Variants in XIRP2 observed in about 807,000 individuals in gnomAD.
XIRP2 encodes the protein xin actin-binding repeat-containing protein 2.
Under a neutral mutation model 277.0 loss-of-function variants are expected in XIRP2, and 236 were observed. That is an observed-to-expected ratio of 0.85 (90% confidence interval 0.77 to 0.95). The LOEUF is 0.95. Ranked by LOEUF, XIRP2 falls within the 40% of genes least tolerant of loss-of-function variation. The probability of loss-of-function intolerance (pLI) is 0.00; values close to 1 mark genes in which losing one functional copy is unlikely to be tolerated. For missense variants in XIRP2, 4,640 were observed against 4,157.5 expected (o/e 1.12, Z -3.19); for synonymous variants, 1,490 against 1,416.5 (o/e 1.05, Z -1.17).
intron 2 of XIRP2, among the ~76,000 whole-genome samples, chr2:166,937,476 G>A (rs1213514547): frequency 6.6e-6 from 1 of 152,210 alleles, no homozygotes; most frequent in Non-Finnish European, 1.5e-5. Flanking sequence ...GGTTTTTGAT[G>A]TGCTGCTGGA....
intron 2 of XIRP2, among the ~76,000 whole-genome samples, chr2:166,929,062 C>T (rs899297683): frequency 2.0e-5 from 3 of 151,856 alleles, no homozygotes; most frequent in African/African-American, 7.3e-5. Context: ...AGACTGATCC[C>T]CAACCAGCAG....
intron 2 of XIRP2, among the ~76,000 whole-genome samples, chr2:167,076,866 C>G (rs116113181): frequency 6.6e-6 from 1 of 152,034 alleles, no homozygotes; most frequent in African/African-American, 2.4e-5. Context: ...GGGTCTCACT[C>G]GGTCTCTTAG....
chr2:166,939,327 A>G (rs1685622221), intron 2 of XIRP2, among the ~76,000 whole-genome samples: 1 of 151,976 alleles, frequency 6.6e-6, no homozygotes, highest in African/African-American at 2.4e-5. Flanking sequence ...TCTGTAAAGT[A>G]TTTTATTTCT....
At chr2:167,105,551 T>A (rs1432628534) in intron 2 of XIRP2, among the ~76,000 whole-genome samples, 1 of 151,934 alleles carries the variant, frequency 6.6e-6, no homozygotes, top group African/African-American at 2.4e-5. Context: ...AACTATTCAC[T>A]CCTTGAAGAG....
intron 5 of XIRP2, among the ~76,000 whole-genome samples, chr2:167,227,596 A>G (rs550764990): frequency 1.7e-3 from 252 of 152,156 alleles, no homozygotes; most frequent in Non-Finnish European, 2.8e-3. Flanking sequence ...AGTCCCAGCT[A>G]CTCAGGAGGC....
At chr2:167,029,642 A>G (rs1192446609) in intron 2 of XIRP2, among the ~76,000 whole-genome samples, 1 of 152,162 alleles carries the variant, frequency 6.6e-6, no homozygotes, top group Non-Finnish European at 1.5e-5. Flanking sequence ...ATCGACGTTC[A>G]TCAGGTATAT....
intron 2 of XIRP2, among the ~76,000 whole-genome samples, chr2:167,092,022 G>T (rs1017916827): frequency 6.6e-6 from 1 of 152,134 alleles, no homozygotes; most frequent in African/African-American, 2.4e-5. Context: ...AGATCCAGGT[G>T]AAGAAGGGAA....
chr2:167,051,805 C>A (rs1167587173), intron 2 of XIRP2, among the ~76,000 whole-genome samples: 1 of 151,958 alleles, frequency 6.6e-6, no homozygotes, highest in Non-Finnish European at 1.5e-5. Context: ...TTAGTGATAA[C>A]CCTCCGAATG....
chr2:167,028,730 G>A (rs546161709), intron 2 of XIRP2, among the ~76,000 whole-genome samples: 7 of 151,808 alleles, frequency 4.6e-5, no homozygotes, highest in Non-Finnish European at 1.0e-4. Flanking sequence ...TAAGGCACCA[G>A]TGACGAAATC....
At chr2:167,046,105 T>C (rs1688781682) in intron 2 of XIRP2, among the ~76,000 whole-genome samples, 1 of 152,096 alleles carries the variant, frequency 6.6e-6, no homozygotes, top group South Asian at 2.1e-4. Flanking sequence ...CTAGGTATTT[T>C]ATTCTTTTGG....
At chr2:166,931,611 T>C (rs183786787) in intron 2 of XIRP2, among the ~76,000 whole-genome samples, 3,585 of 152,300 alleles carry the variant, frequency 0.024, 52 homozygotes, top group Non-Finnish European at 0.034. Context: ...TGTATGCTTT[T>C]ATTGCTGAGT....
At position 167,023,899 on chromosome 2, in the gene XIRP2, G is replaced by A. The variant is rs557311175; in HGVS notation, c.409-112010G>A. Among the ~76,000 whole-genome samples the A allele has an allele frequency of 3.4e-3, 521 of 152,072 alleles. 7 individuals are homozygous for A. The highest frequency in any genetic ancestry group is 0.012 in the African/African-American group (482 of 41,486). On this transcript the variant is annotated intron_variant, in intron 2 of 10. Transcript: ENST00000409195. ...TGAAGTCAGGTAGCGTGATGCCTCT[G>A]GCTGTGTTCTTTTGGCTTAGGATTG...
chr2:166,963,522 T>G (rs1449472008), intron 2 of XIRP2, among the ~76,000 whole-genome samples: 2 of 151,882 alleles, frequency 1.3e-5, no homozygotes, highest in Non-Finnish European at 2.9e-5. Flanking sequence ...GAGAGACTCT[T>G]TCGTAAGGAA....
chr2:167,208,608 G>T (rs1693928097), intron 3 of XIRP2, among the ~76,000 whole-genome samples: 1 of 152,084 alleles, frequency 6.6e-6, no homozygotes, highest in Non-Finnish European at 1.5e-5. Flanking sequence ...GCGCCCGGCT[G>T]AGAGTCTTTT....
intron 2 of XIRP2, among the ~76,000 whole-genome samples, chr2:167,083,544 A>C (rs1272099349): frequency 6.6e-6 from 1 of 152,128 alleles, no homozygotes; most frequent in Admixed American, 6.5e-5. Flanking sequence ...CAGTATGGCC[A>C]TTTTCATGAT....
At chr2:167,024,699 C>G (rs1688098478) in intron 2 of XIRP2, among the ~76,000 whole-genome samples, 2 of 152,126 alleles carry the variant, frequency 1.3e-5, no homozygotes. Context: ...TTTTCTGCAT[C>G]TATTGAGATA....
intron 2 of XIRP2, among the ~76,000 whole-genome samples, chr2:167,064,559 A>G (rs1166939913): frequency 6.6e-6 from 1 of 151,930 alleles, no homozygotes; most frequent in African/African-American, 2.4e-5. Context: ...TTAAGTGTAC[A>G]GTTCAGTAGA....
chr2:166,900,050 C>A (rs2105333300), intron 1 of XIRP2, among the ~76,000 whole-genome samples: 1 of 151,890 alleles, frequency 6.6e-6, no homozygotes, highest in East Asian at 1.9e-4. Flanking sequence ...AAAAATTTAT[C>A]CATGAATTTT....
chr2:167,181,588 A>G (rs1028971637), intron 3 of XIRP2, among the ~76,000 whole-genome samples: 1 of 135,498 alleles, frequency 7.4e-6, no homozygotes, highest in African/African-American at 3.6e-5. Flanking sequence ...CTGGACCTGC[A>G]CCATTTTTTT....
Sources: allele counts gnomAD v4.1 joint callset (sites outside exome capture counted in the v4.1 genomes callset), GRCh38; gene constraint gnomAD v4.1.1; transcripts MANE v1.5; gene names NCBI Gene and HGNC (gene_info 2026-07-23, HGNC 2026-07-21).